The following TRIM44 variants were observed in gnomAD, a reference collection of about 807,000 sequenced individuals.
The protein encoded by TRIM44 is tripartite motif containing 44.
In TRIM44, 13 loss-of-function variants were observed where a neutral mutation model predicts 37.4. That is an observed-to-expected ratio of 0.35 (90% CI 0.23 to 0.55). TRIM44 has a LOEUF of 0.55. Among genes scored for constraint, TRIM44 ranks in the 20% least tolerant of loss-of-function variants. The pLI is 0.89. For synonymous variants in TRIM44, 175 were observed against 157.2 expected, an observed-to-expected ratio of 1.11 and a Z score of -0.85; for missense variants, 426 against 437.2, an observed-to-expected ratio of 0.97 and a Z score of 0.23.
At chr11:35,675,127 C>T (rs533426011) in intron 1 of TRIM44, among the ~76,000 whole-genome samples, 9 of 152,258 alleles carry the variant, frequency 5.9e-5, no homozygotes, top group African/African-American at 2.2e-4. Context: ...TGTTATTCAT[C>T]TTTGTATTCC....
intron 4 of TRIM44, among the ~76,000 whole-genome samples, chr11:35,798,843 CTT>C (rs1441613616): frequency 6.6e-6 from 1 of 152,076 alleles, no homozygotes; most frequent in African/African-American, 2.4e-5. Flanking sequence ...TAAAAGATAA[CTT>C]ATTTTTATAT....
At chr11:35,739,543 C>G (rs889327891) in intron 4 of TRIM44, among the ~76,000 whole-genome samples, 1 of 152,136 alleles carries the variant, frequency 6.6e-6, no homozygotes, top group Non-Finnish European at 1.5e-5. Flanking sequence ...TGCTGTGGCC[C>G]CTGTTTTCTG....
At chr11:35,722,482 G>A (rs1852121621) in intron 2 of TRIM44, among the ~76,000 whole-genome samples, 1 of 152,224 alleles carries the variant, frequency 6.6e-6, no homozygotes, top group African/African-American at 2.4e-5. Context: ...CCCAAGGGCT[G>A]CTGGTTGCCT....
At position 35,808,198 on chromosome 11, in the gene TRIM44, T is replaced by A. The variant is rs1240076968; in HGVS notation, c.*1813T>A. ...CCAGGATATTGGGGCTGAGGGGAGT[T>A]TGAGGTGTTAAAAAAAAAAAAAAAA... is the stretch of plus-strand genomic sequence containing the variant. On this transcript the variant is annotated 3_prime_UTR_variant, in exon 5 of 5. Coordinates refer to ENST00000299413, the MANE Select transcript of TRIM44 (RefSeq NM_017583.6). 9.3e-6 allele frequency: 1 copy of A among 107,332 alleles called. No homozygotes were observed. The highest frequency in any genetic ancestry group is 3.2e-4 in the South Asian group (1 of 3,134). 6.6% of individuals were successfully genotyped at this position (107,332 alleles called of 1,614,324 possible).
At chr11:35,774,951 G>T (rs995958865) in intron 4 of TRIM44, among the ~76,000 whole-genome samples, 1 of 152,142 alleles carries the variant, frequency 6.6e-6, no homozygotes. Context: ...GGCAATGTGG[G>T]CTCTTTTTTG....
chr11:35,789,872 G>A (rs770977132), intron 4 of TRIM44, among the ~76,000 whole-genome samples: 4 of 151,082 alleles, frequency 2.6e-5, no homozygotes, highest in Non-Finnish European at 5.9e-5. Flanking sequence ...GAAATCAATC[G>A]TAAATACGAT....
At chr11:35,695,502 G>A (rs1366632935) in intron 2 of TRIM44, among the ~76,000 whole-genome samples, 2 of 151,992 alleles carry the variant, frequency 1.3e-5, no homozygotes, top group Non-Finnish European at 2.9e-5. Context: ...TCTTTTCATT[G>A]AAGTTCCAGG....
chr11:35,702,291 C>T (rs1168813138), intron 2 of TRIM44, among the ~76,000 whole-genome samples: 1 of 152,198 alleles, frequency 6.6e-6, no homozygotes, highest in Non-Finnish European at 1.5e-5. Flanking sequence ...CACTCGCCCA[C>T]GCTCCGGGAG....
chr11:35,757,922 T>G (rs943948409), intron 4 of TRIM44, among the ~76,000 whole-genome samples: 19 of 152,248 alleles, frequency 1.2e-4, no homozygotes, highest in South Asian at 4.1e-4. Context: ...CTTCCCACTA[T>G]GCGGTCAATT....
intron 4 of TRIM44, among the ~76,000 whole-genome samples, chr11:35,774,287 T>A (rs1193183339): frequency 6.6e-6 from 1 of 152,342 alleles, no homozygotes; most frequent in African/African-American, 2.4e-5. Context: ...AAAGTGTCTG[T>A]CATATCCTTC....
At chr11:35,723,716 G>C (rs113391359) in intron 2 of TRIM44, among the ~76,000 whole-genome samples, 268 of 152,340 alleles carry the variant, frequency 1.8e-3, no homozygotes, top group Non-Finnish European at 1.5e-3. Flanking sequence ...ACATGTGTAT[G>C]TGAAGTCTAG....
chr11:35,702,924 G>A (rs537089772), intron 2 of TRIM44, among the ~76,000 whole-genome samples: 7 of 152,336 alleles, frequency 4.6e-5, no homozygotes, highest in South Asian at 2.1e-4. Flanking sequence ...TGGGTGCAGC[G>A]CACCATGCAC....
chr11:35,686,374 GT>G (rs577200341), intron 2 of TRIM44, among the ~76,000 whole-genome samples: 3,253 of 133,226 alleles, frequency 0.024, 121 homozygotes, highest in African/African-American at 0.079. Context: ...TTTTGTTTTT[GT>G]TTTTTTTTTT....
chr11:35,701,488 A>G (rs1163559186), intron 2 of TRIM44, among the ~76,000 whole-genome samples: 2 of 152,202 alleles, frequency 1.3e-5, no homozygotes, highest in Non-Finnish European at 2.9e-5. Flanking sequence ...AAAAAGAATC[A>G]ACAAATGATA....
intron 4 of TRIM44, among the ~76,000 whole-genome samples, chr11:35,763,424 G>A (rs1852754050): frequency 6.6e-6 from 1 of 152,166 alleles, no homozygotes; most frequent in African/African-American, 2.4e-5. Flanking sequence ...TGTATTTGAG[G>A]AATAAGGGAG....
intron 3 of TRIM44, among the ~76,000 whole-genome samples, chr11:35,729,983 AAAATG>A (rs1852234068): frequency 1.3e-5 from 2 of 152,222 alleles, no homozygotes; most frequent in Non-Finnish European, 2.9e-5. Context: ...TCTCAAAAAT[AAAATG>A]AAATGAAAAT....
chr11:35,782,506 G>A (rs1039523553), intron 4 of TRIM44, among the ~76,000 whole-genome samples: 5 of 152,032 alleles, frequency 3.3e-5, no homozygotes, highest in Non-Finnish European at 5.9e-5. Context: ...TGGTTTAGTG[G>A]CTAATGATGT....
chr11:35,792,111 A>ACACACACACACACACACACTCT lies in TRIM44; in HGVS notation c.1008-14246_1008-14245insACACACACACACACACACTCTC, dbSNP rs796092540. ...CACACACACACACACACACACACACACTCTCTCTCATCATTCTCTATTCCA... is the reference window on the plus strand; with the variant it reads ...CACACACACACACACACACACACACACACACACACACACACACACTCTCTCTCTCTCATCATTCTCTATTCCA... On this transcript the variant is annotated intron_variant, in intron 4 of 4. Transcript: ENST00000299413. Among the ~76,000 whole-genome samples, 425 of 114,280 alleles carry ACACACACACACACACACACTCT rather than the reference A, an allele frequency of 3.7e-3. 5 individuals are homozygous for ACACACACACACACACACACTCT. Among genetic ancestry groups the ACACACACACACACACACACTCT allele is most frequent in the Admixed American group, 7.8e-3 (93 of 11,964 alleles). The allele number at this position is 114,280 out of a possible 152,430, so 75.0% of individuals were successfully genotyped here. A position where few individuals can be genotyped will look rare whatever the true frequency, so the allele number is the denominator to read the frequency against.
At chr11:35,696,734 C>A (rs2135497425) in intron 2 of TRIM44, among the ~76,000 whole-genome samples, 1 of 151,828 alleles carries the variant, frequency 6.6e-6, no homozygotes, top group South Asian at 2.1e-4. Flanking sequence ...GTAATCCCAG[C>A]TGCTTGGGAG....
Sources: allele counts gnomAD v4.1 joint callset (sites outside exome capture counted in the v4.1 genomes callset), GRCh38; gene constraint gnomAD v4.1.1; transcripts MANE v1.5; gene names NCBI Gene and HGNC (gene_info 2026-07-23, HGNC 2026-07-21).